The following PCDHGA3 variants were observed in gnomAD, a reference collection of about 807,000 sequenced individuals.
PCDHGA3 encodes the protein protocadherin gamma subfamily A, 3.
In PCDHGA3, 40 loss-of-function variants were observed where a neutral mutation model predicts 58.5. That is an observed-to-expected ratio of 0.68 (90% CI 0.53 to 0.89). PCDHGA3 has a LOEUF of 0.89. PCDHGA3 is among the 40% of genes least tolerant of loss of function. The pLI is 0.00. For synonymous variants in PCDHGA3, 530 were observed against 525.7 expected (o/e 1.01, Z -0.11); for missense variants, 1,223 against 1,195.9 (o/e 1.02, Z -0.33).
intron 1 of PCDHGA3, chr5:141,389,275 C>T (rs976237601): frequency 7.4e-6 from 12 of 1,614,004 alleles, no homozygotes; most frequent in Admixed American, 1.7e-5. Context: ...GAGAACAACC[C>T]GCCTGGAGCC....
chr5:141,366,629 C>T (rs1380295495), intron 1 of PCDHGA3: 1 of 1,614,252 alleles, frequency 6.2e-7, no homozygotes, highest in South Asian at 1.1e-5. Flanking sequence ...GAGGAAGAGT[C>T]ACCTGATCTT....
chr5:141,352,394 C>T (rs370902348), intron 1 of PCDHGA3: 1 of 1,614,050 alleles, frequency 6.2e-7, no homozygotes, highest in East Asian at 2.2e-5. Context: ...CCTGCGCCTG[C>T]GACGTTCCTC....
chr5:141,366,357 G>A, intron 1 of PCDHGA3: 1 of 1,614,020 alleles, frequency 6.2e-7, no homozygotes, highest in Non-Finnish European at 8.5e-7. Flanking sequence ...GCTGACCTAG[G>A]CAGTATCAAG....
At chr5:141,403,873 A>G in intron 1 of PCDHGA3, 1 of 1,613,840 alleles carries the variant, frequency 6.2e-7, no homozygotes, top group Non-Finnish European at 8.5e-7. Flanking sequence ...CAAAAAGTCT[A>G]GATTATGAAG....
chr5:141,501,501 T>C (rs2099809553), intron 2 of PCDHGA3, among the ~76,000 whole-genome samples: 1 of 151,938 alleles, frequency 6.6e-6, no homozygotes, highest in Non-Finnish European at 1.5e-5. Context: ...CTGCTGGGGC[T>C]CCAAGGCCTC....
At chr5:141,413,271 C>T in intron 1 of PCDHGA3, 1 of 1,613,940 alleles carries the variant, frequency 6.2e-7, no homozygotes, top group Non-Finnish European at 8.5e-7. Flanking sequence ...AGGCTGGAGC[C>T]CGGCAGATCT....
At chr5:141,497,464 TGGA>T (rs769464389) in intron 2 of PCDHGA3, among the ~76,000 whole-genome samples, 3 of 151,764 alleles carry the variant, frequency 2.0e-5, no homozygotes, top group Non-Finnish European at 4.4e-5. Context: ...CTTGGAGATA[TGGA>T]GGAGAAGGTG....
rs367914755 is a variant in PCDHGA3 at position 141,399,963 on chromosome 5, C to T, written c.2424+53506C>T. ...TGCTGCAGGCTAGCGAGCCCGGGCT[C>T]TTCAGCCTGGGGCTGCGCACAGGAG... On this transcript the variant is annotated intron_variant, in intron 1 of 3. Transcript: ENST00000253812. 793 of 1,612,310 alleles carry T rather than the reference C, an allele frequency of 4.9e-4. 4 individuals are homozygous for T. Among genetic ancestry groups the T allele is most frequent in the Non-Finnish European group, 3.8e-4 (443 of 1,179,704 alleles).
chr5:141,500,104 T>C (rs917633032), intron 2 of PCDHGA3, among the ~76,000 whole-genome samples: 1 of 152,124 alleles, frequency 6.6e-6, no homozygotes, highest in Non-Finnish European at 1.5e-5. Context: ...AATTTATTTG[T>C]TGAATCCCTG....
chr5:141,472,308 G>A (rs897967832), intron 1 of PCDHGA3, among the ~76,000 whole-genome samples: 6 of 152,074 alleles, frequency 3.9e-5, no homozygotes, highest in South Asian at 4.1e-4. Context: ...TTGGGAAGCC[G>A]AGGCAGGCAG....
Position 141,491,405 on chromosome 5 carries a change from A to C in PCDHGA3, c.2425-3402A>C. 6.2e-7 allele frequency: 1 copy of C among 1,614,096 alleles called. No individual in the cohort carries two copies. Among genetic ancestry groups the C allele is most frequent in the Non-Finnish European group, 8.5e-7 (1 of 1,179,998 alleles). On this transcript the variant is annotated intron_variant, in intron 1 of 3. Coordinates refer to ENST00000253812, the MANE Select transcript of PCDHGA3 (RefSeq NM_018916.4). This position sits in a 1 kb window ranked among gnomAD's most constrained non-coding sequence, Gnocchi z 6.9. ...GCGAAGTGCCTTCAGGGAAACGCAG[A>C]CGGGGACGGGGGTGGAGGGCAGTGC... is the stretch of plus-strand genomic sequence containing the variant.
At chr5:141,445,538 G>A (rs1188324168) in intron 1 of PCDHGA3, among the ~76,000 whole-genome samples, 1 of 152,168 alleles carries the variant, frequency 6.6e-6, no homozygotes, top group African/African-American at 2.4e-5. Flanking sequence ...AGCCAACAAG[G>A]AGAAATACAA....
intron 1 of PCDHGA3, among the ~76,000 whole-genome samples, chr5:141,447,063 G>C (rs762309557): frequency 6.6e-6 from 1 of 152,028 alleles, no homozygotes; most frequent in South Asian, 2.1e-4. Context: ...AATGTGTCAG[G>C]CTGTTTTAAT....
intron 1 of PCDHGA3, chr5:141,357,149 G>T (rs1760487529): frequency 1.2e-6 from 2 of 1,613,452 alleles, no homozygotes; most frequent in African/African-American, 2.7e-5. Context: ...CAGGACCATG[G>T]CCAGCCCCCT....
At chr5:141,469,610 AAAAT>A (rs1360697662) in intron 1 of PCDHGA3, among the ~76,000 whole-genome samples, 1 of 152,194 alleles carries the variant, frequency 6.6e-6, no homozygotes, top group Non-Finnish European at 1.5e-5. Context: ...TAAGTAAAAT[AAAAT>A]AAATGTTTGT....
intron 1 of PCDHGA3, chr5:141,404,976 T>G (rs373850794): frequency 4.3e-6 from 7 of 1,614,002 alleles, no homozygotes; most frequent in Non-Finnish European, 5.9e-6. Context: ...CTGGCTGACC[T>G]GGGCAGTCTT....
In PCDHGA3 at chr5:141,345,264, G is replaced by T. The variant is rs369204878; in HGVS notation, c.1231G>T (p.Asp411Tyr). 6.2e-7 allele frequency: 1 copy of T among 1,613,912 alleles called. No individual in the cohort carries two copies. The highest frequency in any genetic ancestry group is 1.3e-5 in the African/African-American group (1 of 74,994). The change falls in exon 1 of 4, where the codon GAC becomes TAC. Residue 411 changes from aspartate (D) to tyrosine (Y), a missense_variant. Physicochemically the swap from Asp to Tyr is radical, Grantham distance 160. Around this residue, in one of 3 missense-constraint regions of PCDHGA3, gnomAD observed 791 missense variants for 708.5 expected, o/e 1.12. Transcript: ENST00000253812. Reference protein sequence around the residue: ...YYRLVTATSLDREQISEYNIS... With the variant: ...YYRLVTATSLYREQISEYNIS... ...CCGCTTAGTGACGGCCACATCCCTG[G>T]ACCGCGAACAAATATCAGAATATAA...
At chr5:141,438,396 ACT>A (rs2097958956) in intron 1 of PCDHGA3, among the ~76,000 whole-genome samples, 2 of 150,930 alleles carry the variant, frequency 1.3e-5, no homozygotes, top group African/African-American at 4.9e-5. Context: ...TTCATCATTA[ACT>A]CTCTGAAGTA....
chr5:141,487,921 A>G lies in PCDHGA3; in HGVS notation c.2425-6886A>G, dbSNP rs17097340. On this transcript the variant is annotated intron_variant, in intron 1 of 3. Coordinates refer to ENST00000253812, the MANE Select transcript of PCDHGA3 (RefSeq NM_018916.4). This position sits in a 1 kb window ranked among gnomAD's most constrained non-coding sequence, Gnocchi z 5.0. ...GGAATGTGGGAGCACAGGAGGCTAC[A>G]GTGCACAGGGTACAGTGCACCAGGC... 0.15 allele frequency: 93,556 copies of G among 639,124 alleles called. 7,160 individuals carry two copies. The highest frequency in any genetic ancestry group is 0.21 in the African/African-American group (11,270 of 54,532). 39.6% of individuals were successfully genotyped at this position (639,124 alleles called of 1,614,324 possible).
Sources: gnomAD v4.1 joint callset for allele counts (sites outside exome capture counted in the v4.1 genomes callset) on GRCh38, gnomAD v4.1.1 for gene constraint, gnomAD v4.1.1 regional missense constraint, Gnocchi (gnomAD v3.1) non-coding constraint, MANE v1.5 for transcripts, NCBI Gene and HGNC (gene_info 2026-07-23, HGNC 2026-07-21) for gene names.